CNNM2: variants seen among roughly 807,000 people sequenced by gnomAD.
CNNM2 encodes metal transporter CNNM2.
CNNM2 carries 12 observed loss-of-function variants against 66.9 expected under a neutral mutation model. The ratio of observed to expected loss-of-function variants is 0.18; its 90% CI spans 0.11 to 0.29. The LOEUF (loss-of-function observed/expected upper bound fraction) is 0.29, where lower values mean the gene tolerates loss of function less well. Ranked by LOEUF, CNNM2 falls within the 10% of genes least tolerant of loss-of-function variation. CNNM2 has a pLI of 1.00. For synonymous variants in CNNM2, 557 were observed against 501.8 expected (o/e 1.11, Z -1.47); for missense variants, 705 against 1,167.7 (o/e 0.60, Z 5.77).
At chr10:103,009,606 G>A (rs533537796) in intron 1 of CNNM2, among the ~76,000 whole-genome samples, 95 of 146,736 alleles carry the variant, frequency 6.5e-4, no homozygotes, top group Non-Finnish European at 1.2e-3. Flanking sequence ...CAGGAGGATC[G>A]CTTGAGCCCA....
At position 103,051,446 on chromosome 10, in the gene CNNM2, T is replaced by C. The variant is rs12219027; in HGVS notation, c.1765+1596T>C. 0.096 allele frequency among the ~76,000 whole-genome samples: 14,280 copies of C among 148,810 alleles called. 875 individuals carry two copies. Among genetic ancestry groups the C allele is most frequent in the East Asian group, 0.29 (1,425 of 4,970 alleles). On this transcript the variant is annotated intron_variant, in intron 2 of 7. Coordinates refer to ENST00000369878, the MANE Select transcript of CNNM2 (RefSeq NM_017649.5). ...CTCTCTCTCCAAAAAATGATAATAA[T>C]AACTGAGAAAGTCACTGGGCATGGT...
chr10:103,022,007 C>G (rs1007723598), intron 1 of CNNM2, among the ~76,000 whole-genome samples: 1 of 152,194 alleles, frequency 6.6e-6, no homozygotes, highest in Admixed American at 6.5e-5. Context: ...TTCTGTTCAT[C>G]TTTGATGAAT....
At chr10:102,988,053 CT>C (rs1192422664) in intron 1 of CNNM2, among the ~76,000 whole-genome samples, 2 of 152,098 alleles carry the variant, frequency 1.3e-5, no homozygotes, top group Non-Finnish European at 2.9e-5. Flanking sequence ...AATCCCAGCA[CT>C]TTGGGAGGCC....
In CNNM2 at chr10:102,984,468, G is replaced by A. The variant is rs17115317; in HGVS notation, c.1621+64367G>A. Among the ~76,000 whole-genome samples, 2,092 of 152,184 alleles carry A rather than the reference G, an allele frequency of 0.014. 124 individuals carry two copies. Among genetic ancestry groups the A allele is most frequent in the Admixed American group, 0.11 (1,603 of 15,262 alleles). The stretch of plus-strand genomic sequence containing the variant: ...CTTAGTCCCAGTAGCCATTAAGTAG[G>A]GGAATTTTAATTTTTAAGTGATGGC... On this transcript the variant is annotated intron_variant, in intron 1 of 7. Coordinates refer to ENST00000369878, the MANE Select transcript of CNNM2 (RefSeq NM_017649.5).
intron 5 of CNNM2, among the ~76,000 whole-genome samples, chr10:103,070,353 G>A (rs1402978284): frequency 6.6e-6 from 1 of 152,160 alleles, no homozygotes; most frequent in African/African-American, 2.4e-5. Context: ...TTGTTAAGAG[G>A]ATATAATGAT....
chr10:102,996,221 G>C (rs1400461275), intron 1 of CNNM2, among the ~76,000 whole-genome samples: 1 of 151,684 alleles, frequency 6.6e-6, no homozygotes, highest in Non-Finnish European at 1.5e-5. Context: ...AAAGAATGAA[G>C]GTTTGGTTTC....
chr10:103,050,592 A>T (rs1057383307), intron 2 of CNNM2, among the ~76,000 whole-genome samples: 7 of 151,714 alleles, frequency 4.6e-5, no homozygotes, highest in Non-Finnish European at 8.8e-5. Context: ...ACAACTGTTT[A>T]TACTTCCTTG....
intron 1 of CNNM2, among the ~76,000 whole-genome samples, chr10:102,945,668 CTTG>C (rs1331131475): frequency 1.3e-5 from 2 of 152,066 alleles, no homozygotes; most frequent in South Asian, 2.1e-4. Context: ...TCTCCCTTCC[CTTG>C]TTGTTTTCTC....
At chr10:103,071,168 C>T (rs1314733224) in intron 5 of CNNM2, among the ~76,000 whole-genome samples, 1 of 152,218 alleles carries the variant, frequency 6.6e-6, no homozygotes, top group African/African-American at 2.4e-5. Context: ...CTCAACATTT[C>T]ATGTTCTGAG....
Position 102,927,349 on chromosome 10 carries a change from C to A in CNNM2, c.1621+7248C>A, listed in dbSNP as rs761157442. The A allele has an allele frequency of 4.3e-6, 7 of 1,613,782 alleles. No homozygotes were observed. In the Admixed American group the frequency reaches 6.7e-5, roughly 15 times the overall value. ...ATCTCTTTTTGTTTTTCTCAGAACA[C>A]ACAAACAAGAAACCCAAATCATACC... On this transcript the variant is annotated intron_variant, in intron 1 of 7. Transcript: ENST00000369878.
intron 1 of CNNM2, chr10:102,921,080 C>A: frequency 1.0e-6 from 1 of 973,150 alleles, no homozygotes; most frequent in Non-Finnish European, 1.2e-6. Context: ...TACAGTACAT[C>A]ATTTATATTT....
At chr10:103,004,105 C>T (rs1371666360) in intron 1 of CNNM2, among the ~76,000 whole-genome samples, 2 of 130,496 alleles carry the variant, frequency 1.5e-5, no homozygotes, top group Non-Finnish European at 3.2e-5. Context: ...CGGGTTCAAG[C>T]GATTCTCCTA....
At chr10:102,949,470 T>C (rs1195323685) in intron 1 of CNNM2, among the ~76,000 whole-genome samples, 1 of 149,738 alleles carries the variant, frequency 6.7e-6, no homozygotes, top group Admixed American at 6.7e-5. Context: ...CCACCACACC[T>C]GGCGGTAGTA....
chr10:102,942,730 CTAAA>C lies in CNNM2; in HGVS notation c.1621+22632_1621+22635del, dbSNP rs1404877951. Among the ~76,000 whole-genome samples the C allele has an allele frequency of 3.9e-5, 6 of 152,202 alleles. No individual in the cohort carries two copies. The South Asian group carries it at 1.2e-3, about 31-fold the overall frequency. ...ATTCTATTCTTAATTTTTTGAGAAA[CTAAA>C]TAGTTTTTAAAAATAGCAAAACATT... On this transcript the variant is annotated intron_variant, in intron 1 of 7. Coordinates refer to ENST00000369878, the MANE Select transcript of CNNM2 (RefSeq NM_017649.5).
intron 1 of CNNM2, among the ~76,000 whole-genome samples, chr10:102,978,848 T>C (rs1311915462): frequency 5.9e-5 from 9 of 152,202 alleles, no homozygotes; most frequent in African/African-American, 1.9e-4. Context: ...TTGTACTTTA[T>C]CTATAATAAA....
chr10:102,972,979 T>C (rs558211907), intron 1 of CNNM2, among the ~76,000 whole-genome samples: 46 of 152,316 alleles, frequency 3.0e-4, no homozygotes, highest in East Asian at 9.6e-4. Context: ...GCACTTTTTT[T>C]CCCCACGTTT....
At chr10:102,941,889 C>T (rs1846449135) in intron 1 of CNNM2, among the ~76,000 whole-genome samples, 1 of 152,218 alleles carries the variant, frequency 6.6e-6, no homozygotes, top group Non-Finnish European at 1.5e-5. Flanking sequence ...ACAGCAGGGC[C>T]TGGCACATAG....
intron 1 of CNNM2, among the ~76,000 whole-genome samples, chr10:102,924,550 T>C (rs1845778980): frequency 1.3e-5 from 2 of 152,238 alleles, no homozygotes; most frequent in South Asian, 2.1e-4. Context: ...ATTAATATAC[T>C]GAGAGCTTAA....
At chr10:102,978,541 G>A (rs1590340670) in intron 1 of CNNM2, among the ~76,000 whole-genome samples, 1 of 152,108 alleles carries the variant, frequency 6.6e-6, no homozygotes, top group South Asian at 2.1e-4. Context: ...TATTATGGCT[G>A]TACCATTAGC....
Sources: allele counts gnomAD v4.1 joint callset (sites outside exome capture counted in the v4.1 genomes callset), GRCh38; gene constraint gnomAD v4.1.1; transcripts MANE v1.5; gene names NCBI Gene and HGNC (gene_info 2026-07-23, HGNC 2026-07-21).